CPNE4: variants seen among roughly 807,000 people sequenced by gnomAD.
CPNE4 encodes the protein copine 4.
A neutral mutation model predicts 67.9 loss-of-function variants in CPNE4; 25 were observed. That is an observed-to-expected ratio of 0.37 (90% CI 0.27 to 0.51). The LOEUF (loss-of-function observed/expected upper bound fraction) is 0.51, where lower values mean the gene tolerates loss of function less well. Ranked by LOEUF, CPNE4 falls within the 20% of genes least tolerant of loss-of-function variation. The probability of loss-of-function intolerance (pLI) is 0.93; values close to 1 mark genes in which losing one functional copy is unlikely to be tolerated. For synonymous variants in CPNE4, 242 were observed against 244.9 expected, an observed-to-expected ratio of 0.99 and a Z score of 0.11; for missense variants, 464 against 690.8, an observed-to-expected ratio of 0.67 and a Z score of 3.68.
intron 7 of CPNE4, among the ~76,000 whole-genome samples, chr3:131,629,212 C>T (rs762188394): frequency 1.3e-5 from 2 of 152,126 alleles, no homozygotes; most frequent in Admixed American, 6.6e-5. Flanking sequence ...AATCATTTCC[C>T]CTTGGGTCCC....
At chr3:131,608,814 C>T (rs1939655553) in intron 7 of CPNE4, among the ~76,000 whole-genome samples, 1 of 151,932 alleles carries the variant, frequency 6.6e-6, no homozygotes, top group African/African-American at 2.4e-5. Context: ...GCTTGTAGAC[C>T]CCTGATGGTC....
intron 2 of CPNE4, among the ~76,000 whole-genome samples, chr3:131,854,854 TC>T (rs1220498123): frequency 6.6e-6 from 1 of 151,694 alleles, no homozygotes; most frequent in African/African-American, 2.4e-5. Context: ...TCCTTCTTTT[TC>T]TTTTGAGGGT....
At chr3:131,795,501 C>A (rs1464217614) in intron 2 of CPNE4, among the ~76,000 whole-genome samples, 3 of 152,126 alleles carry the variant, frequency 2.0e-5, no homozygotes, top group African/African-American at 7.2e-5. Context: ...CAGAAACCAG[C>A]CCTTTACAGA....
intron 2 of CPNE4, among the ~76,000 whole-genome samples, chr3:131,874,158 G>T (rs188442847): frequency 2.0e-5 from 3 of 150,562 alleles, no homozygotes; most frequent in African/African-American, 7.3e-5. Flanking sequence ...GCGCAATCTC[G>T]GCTCACTGCA....
chr3:131,813,033 C>T (rs949301438), intron 2 of CPNE4, among the ~76,000 whole-genome samples: 2 of 152,096 alleles, frequency 1.3e-5, no homozygotes, highest in African/African-American at 2.4e-5. Flanking sequence ...TCAGCATGTT[C>T]AACCACTAAA....
At chr3:131,838,162 G>A (rs569647473) in intron 2 of CPNE4, among the ~76,000 whole-genome samples, 17 of 151,922 alleles carry the variant, frequency 1.1e-4, no homozygotes, top group African/African-American at 3.6e-4. Context: ...AAATAAAAAT[G>A]TCAAAAAATG....
chr3:131,974,357 TAC>T (rs2072587407), intron 1 of CPNE4, among the ~76,000 whole-genome samples: 1 of 152,216 alleles, frequency 6.6e-6, no homozygotes, highest in South Asian at 2.1e-4. Flanking sequence ...TATACGCATC[TAC>T]AGTGAATGCA....
chr3:131,581,553 C>G, intron 9 of CPNE4, 26 bp downstream of exon 9: 1 of 1,502,504 alleles, frequency 6.7e-7, no homozygotes, highest in Non-Finnish European at 9.3e-7. Context: ...GCTTCATACT[C>G]CTGGAAGAGA....
At chr3:131,778,937 TCA>T (rs988044519) in intron 2 of CPNE4, among the ~76,000 whole-genome samples, 1 of 152,132 alleles carries the variant, frequency 6.6e-6, no homozygotes, top group Non-Finnish European at 1.5e-5. Context: ...TAGAAAAACC[TCA>T]CAGTCTCTGC....
chr3:131,670,128 A>G (rs1023162696), intron 6 of CPNE4, among the ~76,000 whole-genome samples: 5 of 152,226 alleles, frequency 3.3e-5, no homozygotes, highest in African/African-American at 1.2e-4. Flanking sequence ...TCAGTCTTAC[A>G]GTATAAATTC....
chr3:131,905,619 GAAAC>G (rs1242203562), intron 1 of CPNE4, among the ~76,000 whole-genome samples, 175 bp from the exon 2 acceptor site: 8 of 152,128 alleles, frequency 5.3e-5, no homozygotes, highest in African/African-American at 9.6e-5. Context: ...CAAATCAAAG[GAAAC>G]AAACAAACAA....
Position 131,740,075 on chromosome 3 carries a change from G to A in CPNE4, c.181-16450C>T, listed in dbSNP as rs142688300. Among the ~76,000 whole-genome samples, 634 of 152,310 alleles carry A rather than the reference G, an allele frequency of 4.2e-3. 12 individuals carry two copies. Among genetic ancestry groups the A allele is most frequent in the East Asian group, 0.033 (173 of 5,184 alleles). ...AAAACATTCACTAGACCTCATGGAT[G>A]AAAGAAAGAAGTTTATAAAGGTAAT... On this transcript the variant is annotated intron_variant, in intron 2 of 15. Transcript: ENST00000429747.
At chr3:131,840,710 C>T (rs1290133445) in intron 2 of CPNE4, among the ~76,000 whole-genome samples, 9 of 152,100 alleles carry the variant, frequency 5.9e-5, no homozygotes, top group Non-Finnish European at 8.8e-5. Context: ...TTCTAGAATA[C>T]GAATTCTGGC....
chr3:131,852,747 T>C (rs1263407971), intron 2 of CPNE4, among the ~76,000 whole-genome samples: 2 of 151,770 alleles, frequency 1.3e-5, no homozygotes, highest in African/African-American at 4.8e-5. Context: ...GAAAGTCCCA[T>C]AGAATCTAAA....
chr3:131,914,952 G>A (rs975712038), intron 1 of CPNE4, among the ~76,000 whole-genome samples: 6 of 152,172 alleles, frequency 3.9e-5, no homozygotes, highest in Non-Finnish European at 8.8e-5. Flanking sequence ...CTCCAGCCTA[G>A]GCAACAAGAG....
intron 2 of CPNE4, among the ~76,000 whole-genome samples, chr3:131,770,082 T>C (rs2083127896): frequency 6.6e-6 from 1 of 152,158 alleles, no homozygotes; most frequent in Non-Finnish European, 1.5e-5. Flanking sequence ...AGTTTTTGTG[T>C]GTCTGTGTGT....
At chr3:131,806,303 C>G (rs1162458346) in intron 2 of CPNE4, among the ~76,000 whole-genome samples, 1 of 152,126 alleles carries the variant, frequency 6.6e-6, no homozygotes, top group African/African-American at 2.4e-5. Flanking sequence ...GTAATCCCAG[C>G]ACTTTGGGAG....
chr3:131,691,760 A>C (rs1336806314), intron 5 of CPNE4, among the ~76,000 whole-genome samples: 2 of 152,212 alleles, frequency 1.3e-5, no homozygotes, highest in Non-Finnish European at 2.9e-5. Flanking sequence ...GAAAAAATTC[A>C]TGAAGGCATT....
chr3:131,601,096 G>A, intron 7 of CPNE4, among the ~76,000 whole-genome samples: 1 of 152,126 alleles, frequency 6.6e-6, no homozygotes, highest in African/African-American at 2.4e-5. Context: ...GGTGGAAACA[G>A]CAGCATTCTC....
Sources: allele counts gnomAD v4.1 joint callset (sites outside exome capture counted in the v4.1 genomes callset), GRCh38; gene constraint gnomAD v4.1.1; transcripts MANE v1.5; gene names NCBI Gene and HGNC (gene_info 2026-07-23, HGNC 2026-07-21).